VAT1L: variants seen among roughly 807,000 people sequenced by gnomAD.
VAT1L encodes the protein vesicle amine transport 1 like.
VAT1L carries 34 observed loss-of-function variants against 44.1 expected under a neutral mutation model. The observed-to-expected ratio is 0.77, with a 90% CI of 0.59 to 1.03. The LOEUF is 1.03. Among genes scored for constraint, VAT1L ranks in the 50% least tolerant of loss-of-function variants. The pLI is 0.00. For missense variants in VAT1L, 615 were observed against 538.8 expected, an observed-to-expected ratio of 1.14 and a Z score of -1.40; for synonymous variants, 253 against 202.2, an observed-to-expected ratio of 1.25 and a Z score of -2.13.
At chr16:77,818,241 C>T (rs7205362) in intron 2 of VAT1L, among the ~76,000 whole-genome samples, 4 of 152,126 alleles carry the variant, frequency 2.6e-5, no homozygotes, top group African/African-American at 7.2e-5. Context: ...TCAGTCTCAG[C>T]GTGTCTGAGC....
At chr16:77,967,220 T>G (rs968746654) in intron 7 of VAT1L, among the ~76,000 whole-genome samples, 3 of 152,170 alleles carry the variant, frequency 2.0e-5, no homozygotes. Flanking sequence ...CTCACCACCT[T>G]TCAGATGGGC....
At chr16:77,930,596 G>C (rs890090916) in intron 7 of VAT1L, among the ~76,000 whole-genome samples, 1 of 152,142 alleles carries the variant, frequency 6.6e-6, no homozygotes, top group Non-Finnish European at 1.5e-5. Context: ...TCTCAAGGTA[G>C]GTTCCGTAGC....
chr16:77,840,731 G>GCAGGTATT (rs530417497), intron 3 of VAT1L, among the ~76,000 whole-genome samples: 4,794 of 152,188 alleles, frequency 0.032, 262 homozygotes, highest in African/African-American at 0.11. Context: ...TGGCAGATAC[G>GCAGGTATT]TGTTTGATTC....
At chr16:77,842,196 C>T (rs912134183) in intron 3 of VAT1L, among the ~76,000 whole-genome samples, 6 of 152,198 alleles carry the variant, frequency 3.9e-5, no homozygotes, top group Non-Finnish European at 8.8e-5. Flanking sequence ...CTACCAAGGG[C>T]TTTCAAAACC....
chr16:77,895,938 C>G (rs389500), intron 7 of VAT1L, among the ~76,000 whole-genome samples: 135,011 of 152,102 alleles, frequency 0.89, 60,332 homozygotes, highest in Non-Finnish European at 0.94. Context: ...CTGGGCAGGG[C>G]TGAGACCCAG....
chr16:77,894,271 T>C (rs2017298304), intron 7 of VAT1L, among the ~76,000 whole-genome samples: 1 of 152,238 alleles, frequency 6.6e-6, no homozygotes, highest in South Asian at 2.1e-4. Context: ...AGGTCATTAG[T>C]GTCAGCTGCT....
chr16:77,868,174 C>T (rs1004493428), intron 4 of VAT1L, among the ~76,000 whole-genome samples: 2 of 152,150 alleles, frequency 1.3e-5, no homozygotes, highest in African/African-American at 4.8e-5. Context: ...TTGAAAACCT[C>T]GAGTTGTATG....
chr16:77,794,889 C>T (rs539148585), intron 1 of VAT1L, among the ~76,000 whole-genome samples: 27 of 152,292 alleles, frequency 1.8e-4, no homozygotes, highest in African/African-American at 5.8e-4. Flanking sequence ...TGCATTCTCT[C>T]ATCAACTGAG....
chr16:77,808,689 G>A (rs1032499996), intron 1 of VAT1L, among the ~76,000 whole-genome samples: 15 of 152,122 alleles, frequency 9.9e-5, no homozygotes, highest in Middle Eastern at 3.4e-3. Context: ...TCCACCTACC[G>A]GGTTCAAGCA....
rs199831443 is a variant in VAT1L, at chr16:77,806,618, C to G, written c.234-10303C>G. 9.2e-5 allele frequency among the ~76,000 whole-genome samples: 14 copies of G among 152,364 alleles called. No individual in the cohort carries two copies. In the East Asian group the frequency reaches 2.1e-3, roughly 23 times the overall value. ...TCGGCCTCCCAAAGTGTTGGGATTA[C>G]AGGCGTGAGCCACCGCGCCCAGGCT... is the stretch of plus-strand genomic sequence containing the variant. On this transcript the variant is annotated intron_variant, in intron 1 of 8. Coordinates refer to ENST00000302536, the MANE Select transcript of VAT1L (RefSeq NM_020927.3).
chr16:77,937,151 G>A (rs892202524), intron 7 of VAT1L, among the ~76,000 whole-genome samples: 2 of 152,150 alleles, frequency 1.3e-5, no homozygotes, highest in African/African-American at 2.4e-5. Context: ...AAAGTGCTGG[G>A]ATTACAGGCG....
At chr16:77,966,950 AAAAAAAAAAG>A in intron 7 of VAT1L, among the ~76,000 whole-genome samples, 1 of 150,326 alleles carries the variant, frequency 6.7e-6, no homozygotes, top group African/African-American at 2.5e-5. Flanking sequence ...AAAAAAAAAA[AAAAAAAAAAG>A]CACCTCTGGT....
chr16:77,926,092 C>T (rs1765861536), intron 7 of VAT1L, among the ~76,000 whole-genome samples: 1 of 151,000 alleles, frequency 6.6e-6, no homozygotes. Flanking sequence ...GAAACCCCGT[C>T]TCTACTAAAA....
intron 4 of VAT1L, among the ~76,000 whole-genome samples, chr16:77,874,884 A>T (rs958805486): frequency 6.6e-6 from 1 of 151,654 alleles, no homozygotes; most frequent in African/African-American, 2.4e-5. Context: ...CTCCTAAGTA[A>T]CTGGCTTAGA....
chr16:77,813,142 G>C (rs911298178), intron 1 of VAT1L, among the ~76,000 whole-genome samples: 3 of 151,914 alleles, frequency 2.0e-5, no homozygotes, highest in Non-Finnish European at 2.9e-5. Flanking sequence ...CAGGGGCATT[G>C]ACATGCCCCT....
chr16:77,966,876 C>G (rs2018228105), intron 7 of VAT1L, among the ~76,000 whole-genome samples: 2 of 143,334 alleles, frequency 1.4e-5, no homozygotes, highest in African/African-American at 5.2e-5. Flanking sequence ...CAATGCAGGT[C>G]TACTAGACAG....
intron 7 of VAT1L, among the ~76,000 whole-genome samples, chr16:77,932,063 CAAGG>C (rs2017737758): frequency 6.7e-6 from 1 of 150,112 alleles, no homozygotes; most frequent in African/African-American, 2.4e-5. Context: ...TCTTTCATGG[CAAGG>C]AAGGAAATGC....
At chr16:77,837,493 C>G (rs2016652143) in intron 3 of VAT1L, among the ~76,000 whole-genome samples, 1 of 152,176 alleles carries the variant, frequency 6.6e-6, no homozygotes, top group South Asian at 2.1e-4. Flanking sequence ...TGGTGTGAAC[C>G]CTTCATCCCC....
intron 1 of VAT1L, among the ~76,000 whole-genome samples, chr16:77,802,755 C>G (rs1241947045): frequency 6.6e-6 from 1 of 152,122 alleles, no homozygotes; most frequent in Non-Finnish European, 1.5e-5. Flanking sequence ...GCTGCTCCCT[C>G]CAAACTCTCC....
Sources: allele counts gnomAD v4.1 joint callset (sites outside exome capture counted in the v4.1 genomes callset), GRCh38; gene constraint gnomAD v4.1.1; transcripts MANE v1.5; gene names NCBI Gene and HGNC (gene_info 2026-07-23, HGNC 2026-07-21).